TMTC2: variants seen among roughly 807,000 people sequenced by gnomAD.
TMTC2 encodes the protein transmembrane O-mannosyltransferase targeting cadherins 2, also known as protein O-mannosyl-transferase TMTC2.
TMTC2 carries 43 observed loss-of-function variants against 82.4 expected under a neutral mutation model. That is an observed-to-expected ratio of 0.52 (90% CI 0.41 to 0.67). The LOEUF is 0.67. TMTC2 is among the 30% of genes least tolerant of loss of function. The pLI is 0.00. For missense variants in TMTC2, 919 were observed against 1,012.4 expected (o/e 0.91, Z 1.25); for synonymous variants, 408 against 381.9 (o/e 1.07, Z -0.80).
chr12:83,049,413 G>C (rs1017162444), intron 9 of TMTC2, among the ~76,000 whole-genome samples: 2 of 152,098 alleles, frequency 1.3e-5, no homozygotes, highest in Admixed American at 6.6e-5. Flanking sequence ...ACATGGTGGT[G>C]TTTGGTTTTC....
intron 1 of TMTC2, among the ~76,000 whole-genome samples, chr12:82,850,484 C>T (rs1452199767): frequency 6.6e-6 from 1 of 151,776 alleles, no homozygotes; most frequent in Non-Finnish European, 1.5e-5. Flanking sequence ...CCTTGAGTTG[C>T]AGTTGTTGGA....
At chr12:82,762,814 A>G (rs1007559580) in intron 1 of TMTC2, among the ~76,000 whole-genome samples, 6 of 151,748 alleles carry the variant, frequency 4.0e-5, no homozygotes, top group South Asian at 4.1e-4. Context: ...AGGAAAATAC[A>G]TGTTTATGTT....
chr12:82,962,196 C>T (rs1280005177), intron 4 of TMTC2, among the ~76,000 whole-genome samples: 5 of 151,962 alleles, frequency 3.3e-5, no homozygotes, highest in Admixed American at 6.6e-5. Flanking sequence ...AGTCTATCAG[C>T]ATTGGAATCC....
At chr12:83,060,610 A>G (rs1279747945) in intron 10 of TMTC2, among the ~76,000 whole-genome samples, 1 of 151,652 alleles carries the variant, frequency 6.6e-6, no homozygotes, top group Non-Finnish European at 1.5e-5. Flanking sequence ...CATCATCTGA[A>G]ATTGAATTTG....
At chr12:82,935,143 G>GT (rs1876249118) in intron 4 of TMTC2, among the ~76,000 whole-genome samples, 1 of 152,012 alleles carries the variant, frequency 6.6e-6, no homozygotes, top group Admixed American at 6.6e-5. Flanking sequence ...ATATCATTGG[G>GT]TTTGCATACC....
At chr12:82,696,850 G>A (rs1872812766) in intron 1 of TMTC2, among the ~76,000 whole-genome samples, 1 of 151,946 alleles carries the variant, frequency 6.6e-6, no homozygotes, top group South Asian at 2.1e-4. Context: ...CTTTTTAAAA[G>A]TCTTTTTAAG....
chr12:83,028,002 G>A (rs1280735948), intron 8 of TMTC2, among the ~76,000 whole-genome samples: 3 of 152,068 alleles, frequency 2.0e-5, no homozygotes, highest in Non-Finnish European at 4.4e-5. Flanking sequence ...TATAGACAGT[G>A]CTTTACTGAT....
intron 11 of TMTC2, among the ~76,000 whole-genome samples, chr12:83,087,387 A>G (rs756429141): frequency 6.6e-6 from 1 of 152,178 alleles, no homozygotes; most frequent in African/African-American, 2.4e-5. Flanking sequence ...ACTCTTGTTA[A>G]GGTTGATATT....
intron 1 of TMTC2, among the ~76,000 whole-genome samples, chr12:82,771,295 G>A (rs1407249625): frequency 6.6e-6 from 1 of 151,560 alleles, no homozygotes; most frequent in Non-Finnish European, 1.5e-5. Context: ...TCAGTACCTT[G>A]CAGTATCTTA....
At chr12:82,765,081 T>C (rs1228777756) in intron 1 of TMTC2, among the ~76,000 whole-genome samples, 3 of 152,100 alleles carry the variant, frequency 2.0e-5, no homozygotes, top group Non-Finnish European at 4.4e-5. Context: ...CATTTCCTTG[T>C]GGGCAAAATA....
chr12:82,788,771 C>T (rs1878309818), intron 1 of TMTC2, among the ~76,000 whole-genome samples: 1 of 152,102 alleles, frequency 6.6e-6, no homozygotes, highest in African/African-American at 2.4e-5. Context: ...GGTTCTTGGC[C>T]TACTCTGCTT....
chr12:82,997,221 C>CTCTCTCTCTCTCTA lies in TMTC2; in HGVS notation c.2070+11176_2070+11177insCTCTCTCTCTCTAT, dbSNP rs1451262969. Among the ~76,000 whole-genome samples, 31 of 118,548 alleles carry CTCTCTCTCTCTCTA rather than the reference C, an allele frequency of 2.6e-4. 1 individual carries two copies. Among genetic ancestry groups the CTCTCTCTCTCTCTA allele is most frequent in the African/African-American group, 9.9e-4 (27 of 27,266 alleles). 77.8% of individuals were successfully genotyped at this position (118,548 alleles called of 152,430 possible). On this transcript the variant is annotated intron_variant, in intron 8 of 11. Coordinates refer to ENST00000321196, the MANE Select transcript of TMTC2 (RefSeq NM_152588.3). Reference sequence around the variant, plus strand: ...TCCCCCTCTCCCTCTCTCTCTCTCTCTATATATATATATAGTTATGTATAG... The same window carrying CTCTCTCTCTCTCTA: ...TCCCCCTCTCCCTCTCTCTCTCTCTCTCTCTCTCTCTCTATATATATATATATAGTTATGTATAG...
At chr12:83,047,778 A>C (rs1882197605) in intron 9 of TMTC2, among the ~76,000 whole-genome samples, 1 of 152,260 alleles carries the variant, frequency 6.6e-6, no homozygotes, top group Non-Finnish European at 1.5e-5. Flanking sequence ...CACATGTTGC[A>C]TGGCAAAGCT....
At chr12:82,716,337 C>A (rs565922459) in intron 1 of TMTC2, among the ~76,000 whole-genome samples, 34 of 151,234 alleles carry the variant, frequency 2.2e-4, no homozygotes, top group Non-Finnish European at 3.4e-4. Context: ...CTGGTACATT[C>A]ACATTCGTAT....
intron 1 of TMTC2, among the ~76,000 whole-genome samples, chr12:82,709,113 A>G (rs1873508284): frequency 6.6e-6 from 1 of 150,586 alleles, no homozygotes; most frequent in Admixed American, 6.7e-5. Flanking sequence ...GGCAAGAAAA[A>G]GCCATGTTTT....
At chr12:83,019,223 T>TA (rs1003535817) in intron 8 of TMTC2, among the ~76,000 whole-genome samples, 1 of 151,960 alleles carries the variant, frequency 6.6e-6, no homozygotes, top group Admixed American at 6.6e-5. Flanking sequence ...TGTTATTTTT[T>TA]AAAAACCCTC....
intron 4 of TMTC2, among the ~76,000 whole-genome samples, chr12:82,943,755 G>T (rs1876845841): frequency 6.6e-6 from 1 of 152,214 alleles, no homozygotes; most frequent in African/African-American, 2.4e-5. Context: ...TTACATTTTG[G>T]AAATAAGGAT....
At chr12:83,002,126 G>T (rs577335642) in intron 8 of TMTC2, among the ~76,000 whole-genome samples, 1 of 151,994 alleles carries the variant, frequency 6.6e-6, no homozygotes. Context: ...TGGTGGTTAG[G>T]TTTTTTTATT....
chr12:82,991,139 A>G (rs2137348201), intron 8 of TMTC2, among the ~76,000 whole-genome samples: 1 of 152,336 alleles, frequency 6.6e-6, no homozygotes, highest in East Asian at 1.9e-4. Flanking sequence ...AACATCCTCA[A>G]AAGTCATTTC....
Sources: gnomAD v4.1 joint callset for allele counts (sites outside exome capture counted in the v4.1 genomes callset) on GRCh38, gnomAD v4.1.1 for gene constraint, MANE v1.5 for transcripts, NCBI Gene and HGNC (gene_info 2026-07-23, HGNC 2026-07-21) for gene names.